The following PKD1L1 variants were observed in gnomAD, a reference collection of about 807,000 sequenced individuals.
PKD1L1 encodes the protein polycystin-1-like protein 1.
In PKD1L1, 236 loss-of-function variants were observed where a neutral mutation model predicts 323.4. That is an observed-to-expected ratio of 0.73 (90% confidence interval 0.66 to 0.81). The LOEUF is 0.81. PKD1L1 is among the 40% of genes least tolerant of loss of function. PKD1L1 has a pLI of 0.00. For missense variants in PKD1L1, 3,320 were observed against 3,508.0 expected, an observed-to-expected ratio of 0.95 and a Z score of 1.35; for synonymous variants, 1,344 against 1,335.0, an observed-to-expected ratio of 1.01 and a Z score of -0.15.
At chr7:47,851,401 A>G (rs1242890526) in intron 31 of PKD1L1, among the ~76,000 whole-genome samples, 1 of 152,162 alleles carries the variant, frequency 6.6e-6, no homozygotes, top group Non-Finnish European at 1.5e-5. Context: ...AAACACATTG[A>G]ATTTTTTTTT....
At chr7:47,900,917 C>T (rs1787072205) in intron 13 of PKD1L1, among the ~76,000 whole-genome samples, 1 of 152,024 alleles carries the variant, frequency 6.6e-6, no homozygotes, top group Non-Finnish European at 1.5e-5. Context: ...GTGACAAACA[C>T]ACATACCACA....
intron 1 of PKD1L1, among the ~76,000 whole-genome samples, chr7:47,947,809 T>C (rs779952317): frequency 5.3e-5 from 8 of 151,898 alleles, no homozygotes; most frequent in African/African-American, 1.7e-4. Context: ...CTACTAAAAA[T>C]ACAAAAAATT....
chr7:47,776,326 C>G (rs186200685), intron 56 of PKD1L1, among the ~76,000 whole-genome samples: 2 of 152,298 alleles, frequency 1.3e-5, no homozygotes, highest in East Asian at 3.9e-4. Flanking sequence ...TCTAGGAGGA[C>G]AGCGTTATCC....
intron 45 of PKD1L1, among the ~76,000 whole-genome samples, chr7:47,822,642 C>G (rs1421362610): frequency 7.5e-6 from 1 of 132,538 alleles, no homozygotes; most frequent in African/African-American, 2.8e-5. Context: ...TGCATTGAAA[C>G]TACAGATCAA....
intron 25 of PKD1L1, 87 bp from the exon 26 acceptor site, chr7:47,865,359 T>A: frequency 8.2e-7 from 1 of 1,215,500 alleles, no homozygotes; most frequent in Admixed American, 2.1e-5. Flanking sequence ...AGCTTGCCTA[T>A]GTAGAAATAG....
chr7:47,933,485 C>G (rs2686818), intron 4 of PKD1L1, among the ~76,000 whole-genome samples: 80 of 152,240 alleles, frequency 5.3e-4, no homozygotes, highest in African/African-American at 1.9e-3. Context: ...AACTTTGCCT[C>G]GGTTTCTTTC....
chr7:47,884,494 G>A, intron 19 of PKD1L1, 104 bp downstream of exon 19: 1 of 983,002 alleles, frequency 1.0e-6, no homozygotes, highest in Non-Finnish European at 1.6e-6. Context: ...ATTCTGTGGA[G>A]CTCTCAGTGG....
intron 56 of PKD1L1, among the ~76,000 whole-genome samples, chr7:47,776,830 G>C (rs938917612): frequency 6.6e-6 from 1 of 152,154 alleles, no homozygotes; most frequent in Admixed American, 6.5e-5. Context: ...GGATGGGTAG[G>C]GAGGTGTTGA....
Position 47,840,561 on chromosome 7 carries a change from T to G in PKD1L1, c.5452A>C (p.Ile1818Leu). The change falls in exon 35 of 57, where the codon ATT (isoleucine) becomes CTT (leucine). Residue 1818 changes from isoleucine to leucine, a missense_variant. Transcript: ENST00000289672. This position sits in a 1 kb window ranked among gnomAD's most constrained non-coding sequence, Gnocchi z 4.1. ...AGTCCATTGTCGCCACATAAAACAA[T>G]GTACACCTCAAAACAAAGAACAGGG... ...APARLTSKVY[I>L]VLCGDNGLSE... 1.2e-6 allele frequency: 2 copies of G among 1,613,006 alleles called. No individual in the cohort carries two copies. The highest frequency in any genetic ancestry group is 1.1e-5 in the South Asian group (1 of 91,040).
At chr7:47,810,810 A>G (rs1455785469) in intron 50 of PKD1L1, among the ~76,000 whole-genome samples, 2 of 152,144 alleles carry the variant, frequency 1.3e-5, no homozygotes, top group African/African-American at 4.8e-5. Flanking sequence ...ATTCCATCTC[A>G]CCAAGACCCT....
In PKD1L1 at chr7:47,873,376, C is replaced by T. The variant is rs149678952; in HGVS notation, c.3896+523G>A. 2.7e-3 allele frequency among the ~76,000 whole-genome samples: 406 copies of T among 152,188 alleles called. 1 individual carries two copies. The highest frequency in any genetic ancestry group is 9.4e-3 in the African/African-American group (391 of 41,544). Reference sequence around the variant, plus strand: ...AAAAAGAAGAAAGTGAGGCTGGGCGCGGTGGCTCACACCTGTAATCCCAGC... The same window carrying T: ...AAAAAGAAGAAAGTGAGGCTGGGCGTGGTGGCTCACACCTGTAATCCCAGC... On this transcript the variant is annotated intron_variant, in intron 24 of 56. Transcript: ENST00000289672.
chr7:47,844,803 G>A (rs1785630927), intron 33 of PKD1L1, among the ~76,000 whole-genome samples, 192 bp downstream of exon 33: 1 of 152,176 alleles, frequency 6.6e-6, no homozygotes, highest in Non-Finnish European at 1.5e-5. Context: ...AGTATAGAGA[G>A]ACAAGATATA....
intron 46 of PKD1L1, among the ~76,000 whole-genome samples, chr7:47,818,823 T>A (rs1584966198): frequency 6.6e-6 from 1 of 152,226 alleles, no homozygotes; most frequent in Admixed American, 6.5e-5. Context: ...TTTTATTATT[T>A]TTTTTTGGAA....
chr7:47,808,353 G>T lies in PKD1L1; in HGVS notation c.7721C>A (p.Ala2574Glu). The change falls in exon 52 of 57, where the codon GCA (alanine) becomes GAA (glutamate). Residue 2574 changes from alanine (A) to glutamate (E), a missense_variant. Transcript: ENST00000289672. Reference protein sequence around the residue: ...SVVGVSLTYYAVSGHLVTLAG... With the variant: ...SVVGVSLTYYEVSGHLVTLAG... ...AAGAGTAACAAGGTGGCCGGAAACT[G>T]CATAGTAGGTGAGGCTCACTCCAAC... 2.5e-6 allele frequency: 4 copies of T among 1,614,152 alleles called. No individual in the cohort carries two copies. Among genetic ancestry groups the T allele is most frequent in the Non-Finnish European group, 3.4e-6 (4 of 1,180,024 alleles).
intron 53 of PKD1L1, among the ~76,000 whole-genome samples, chr7:47,802,494 C>T (rs1243764254): frequency 6.6e-6 from 1 of 152,182 alleles, no homozygotes; most frequent in African/African-American, 2.4e-5. Context: ...GCTTGCAGAA[C>T]CCCTTCCCTG....
intron 30 of PKD1L1, among the ~76,000 whole-genome samples, 153 bp downstream of exon 30, chr7:47,854,729 T>C (rs185679558): frequency 1.3e-5 from 2 of 152,318 alleles, no homozygotes; most frequent in East Asian, 1.9e-4. Context: ...AAGCTTAGCA[T>C]CCAAACAGCA....
intron 1 of PKD1L1, 146 bp downstream of exon 1, chr7:47,948,251 C>T (rs770042651): frequency 6.3e-5 from 55 of 879,748 alleles, no homozygotes; most frequent in East Asian, 1.5e-4. Context: ...CTGACCCCGC[C>T]GGCCAAATGC....
intron 39 of PKD1L1, among the ~76,000 whole-genome samples, 159 bp from the exon 40 acceptor site, chr7:47,834,544 C>G (rs1583606688): frequency 6.6e-6 from 1 of 152,188 alleles, no homozygotes; most frequent in Non-Finnish European, 1.5e-5. Flanking sequence ...AAGGCTAGAA[C>G]GAGGACTTTT....
chr7:47,942,698 G>C (rs1026818249), intron 2 of PKD1L1, among the ~76,000 whole-genome samples: 3 of 152,104 alleles, frequency 2.0e-5, no homozygotes, highest in African/African-American at 7.2e-5. Flanking sequence ...TGGCCATGCA[G>C]ACACCTCCTG....
Sources: allele counts gnomAD v4.1 joint callset (sites outside exome capture counted in the v4.1 genomes callset), GRCh38; gene constraint gnomAD v4.1.1; non-coding constraint Gnocchi (gnomAD v3.1); transcripts MANE v1.5; gene names NCBI Gene and HGNC (gene_info 2026-07-23, HGNC 2026-07-21).